The following PEMT variants were observed in gnomAD, a reference collection of about 807,000 sequenced individuals.
PEMT encodes phosphatidylethanolamine N-methyltransferase, also known as phospholipid methyltransferase.
Under a neutral mutation model 27.4 loss-of-function variants are expected in PEMT, and 23 were observed. That is an observed-to-expected ratio of 0.84 (90% CI 0.60 to 1.19). PEMT has a LOEUF of 1.19. Among genes scored for constraint, PEMT ranks in the 50% most tolerant of loss-of-function variants. The pLI is 0.00. For synonymous variants in PEMT, 137 were observed against 139.1 expected (o/e 0.98, Z 0.11); for missense variants, 307 against 310.1 (o/e 0.99, Z 0.07).
chr17:17,520,747 C>T (rs927519999), intron 3 of PEMT, among the ~76,000 whole-genome samples: 1 of 152,256 alleles, frequency 6.6e-6, no homozygotes, highest in East Asian at 1.9e-4. Context: ...GGGATAGCCA[C>T]CCAGGCCTAG....
At position 17,512,669 on chromosome 17, in the gene PEMT, T is replaced by C. The variant is rs1906508265; in HGVS notation, c.321-15A>G. The C allele has an allele frequency of 2.0e-6, 3 of 1,504,090 alleles. No individual in the cohort carries two copies. The highest frequency in any genetic ancestry group is 3.6e-4 in the Middle Eastern group (2 of 5,628). The allele number at this position is 1,504,090 out of a possible 1,614,324, so 93.2% of individuals were successfully genotyped here. A position where few individuals can be genotyped will look rare whatever the true frequency, so the allele number is the denominator to read the frequency against. ...CCTGCGTGAAGCTGTGGGCAGGGGATGGAGAGGGAGGACGTCATGGCCAGG... is the reference window on the plus strand; with the variant it reads ...CCTGCGTGAAGCTGTGGGCAGGGGACGGAGAGGGAGGACGTCATGGCCAGG... On this transcript the variant is annotated splice_polypyrimidine_tract_variant and intron_variant, in intron 3 of 6. Coordinates refer to ENST00000255389, the MANE Select transcript of PEMT (RefSeq NM_148172.3). The surrounding 1 kb of genome is among the most constrained non-coding windows in gnomAD (Gnocchi z 6.3).
At chr17:17,587,531 A>G (rs1028777650) in intron 1 of PEMT, among the ~76,000 whole-genome samples, 9 of 152,168 alleles carry the variant, frequency 5.9e-5, no homozygotes, top group African/African-American at 2.2e-4. Flanking sequence ...AATATGGAAG[A>G]GGGAGGCAAT....
intron 2 of PEMT, among the ~76,000 whole-genome samples, chr17:17,558,452 G>C (rs1205433884): frequency 6.6e-6 from 1 of 151,856 alleles, no homozygotes; most frequent in Admixed American, 6.6e-5. Context: ...GGGTTGCAGT[G>C]AGCTGAGATC....
chr17:17,545,750 T>C (rs1909215174), intron 2 of PEMT, among the ~76,000 whole-genome samples: 1 of 152,218 alleles, frequency 6.6e-6, no homozygotes, highest in African/African-American at 2.4e-5. Flanking sequence ...TCCTCCGTTT[T>C]AGAGATGCTA....
At chr17:17,591,859 C>T (rs1281190292), upstream of PEMT, 1 of 985,374 alleles carries the variant, frequency 1.0e-6, no homozygotes, top group Non-Finnish European at 1.2e-6. Context: ...TGTGTTTCGC[C>T]GCAGAGCCTG....
In PEMT at chr17:17,522,288, G is replaced by A. The variant is rs1039264561; in HGVS notation, c.312C>T (p.Arg104=). 6.2e-6 allele frequency: 10 copies of A among 1,611,100 alleles called. No homozygotes were observed. The Admixed American group carries it at 1.7e-4, about 27-fold the overall frequency. Reference sequence around the variant, plus strand: ...GAGAGAGCTGTGCTTACCAGTGCGAGCGCAGGAAGTTCAGGAGCAGGATGG... The same window carrying A: ...GAGAGAGCTGTGCTTACCAGTGCGAACGCAGGAAGTTCAGGAGCAGGATGG... The part of the protein sequence containing the change: ...SVTILLLNFL[R]SHCFTQAMLS... The change falls in exon 3 of 7, where the codon CGC becomes CGT. Residue 104 remains arginine (R), a synonymous_variant. Coordinates refer to ENST00000255389, the MANE Select transcript of PEMT (RefSeq NM_148172.3).
intron 2 of PEMT, among the ~76,000 whole-genome samples, chr17:17,549,478 T>C (rs987229223): frequency 2.0e-5 from 3 of 152,164 alleles, no homozygotes; most frequent in Admixed American, 6.5e-5. Context: ...GTGACTTTTA[T>C]ATTTTTTTGT....
Position 17,591,665 on chromosome 17 carries a change from G to A in PEMT, c.-39C>T, listed in dbSNP as rs1363763328. On this transcript the variant is annotated 5_prime_UTR_variant, in exon 1 of 7. Coordinates refer to ENST00000255389, the MANE Select transcript of PEMT (RefSeq NM_148172.3). Reference sequence around the variant, plus strand: ...CAGGAGGCACCACGCGGGCCCCGCTGCAGCCACGCGCCCCCGGAACCGGAC... The same window carrying A: ...CAGGAGGCACCACGCGGGCCCCGCTACAGCCACGCGCCCCCGGAACCGGAC... 4 of 1,587,930 alleles carry A rather than the reference G, an allele frequency of 2.5e-6. No homozygotes were observed. The highest frequency in any genetic ancestry group is 3.5e-5 in the Admixed American group (2 of 56,440).
At position 17,523,983 on chromosome 17, in the gene PEMT, C is replaced by A. The variant is rs915368803; in HGVS notation, c.205-1588G>T. On this transcript the variant is annotated intron_variant, in intron 2 of 6. Transcript: ENST00000255389. This position sits in a 1 kb window ranked among gnomAD's most constrained non-coding sequence, Gnocchi z 4.8. Reference sequence around the variant, plus strand: ...TTCCGTTGCTATGGATTCACCTATTCTGGACGTTTCATATAAACTGAATCA... The same window carrying A: ...TTCCGTTGCTATGGATTCACCTATTATGGACGTTTCATATAAACTGAATCA... 6.6e-6 allele frequency among the ~76,000 whole-genome samples: 1 copy of A among 152,136 alleles called. No homozygotes were observed. The highest frequency in any genetic ancestry group is 2.4e-5 in the African/African-American group (1 of 41,402).
chr17:17,517,007 C>A (rs1906888390), intron 3 of PEMT, among the ~76,000 whole-genome samples: 1 of 152,200 alleles, frequency 6.6e-6, no homozygotes, highest in Admixed American at 6.5e-5. Flanking sequence ...TAGGCCTTTC[C>A]AAAAGGGTCT....
chr17:17,529,249 CCA>C (rs1907922270), intron 2 of PEMT, among the ~76,000 whole-genome samples: 1 of 152,334 alleles, frequency 6.6e-6, no homozygotes, highest in African/African-American at 2.4e-5. Flanking sequence ...ACACCCAGTT[CCA>C]CCTGTCCTGC....
chr17:17,522,311 T>C lies in PEMT; in HGVS notation c.289A>G (p.Ile97Val). ...YLACYSLSVTILLLNFLRSHC... is the reference protein window; with the variant it reads ...YLACYSLSVTVLLLNFLRSHC... ...GAGCGCAGGAAGTTCAGGAGCAGGA[T>C]GGTGACGCTTAGAGAGTAGCAGGCC... Residue 97 changes from isoleucine to valine, a missense_variant, in exon 3 of 7, where the codon ATC (isoleucine) becomes GTC (valine). Ile to Val is a conservative substitution (Grantham distance 29). Transcript: ENST00000255389. 2.5e-6 allele frequency: 4 copies of C among 1,613,828 alleles called. No homozygotes were observed. The African/African-American group carries it at 4.0e-5, about 16-fold the overall frequency.
chr17:17,573,691 T>G (rs1911365858), intron 2 of PEMT, among the ~76,000 whole-genome samples: 1 of 152,172 alleles, frequency 6.6e-6, no homozygotes, highest in Non-Finnish European at 1.5e-5. Flanking sequence ...CACGGGGAAC[T>G]GGAACCAATC....
At position 17,512,502 on chromosome 17, in the gene PEMT, G is replaced by T; in HGVS notation, c.466+7C>A. The T allele has an allele frequency of 6.3e-7, 1 of 1,586,808 alleles. No individual in the cohort carries two copies. The highest frequency in any genetic ancestry group is 8.6e-7 in the Non-Finnish European group (1 of 1,164,930). On this transcript the variant is annotated splice_region_variant and intron_variant, in intron 4 of 6. Coordinates refer to ENST00000255389, the MANE Select transcript of PEMT (RefSeq NM_148172.3). The surrounding 1 kb of genome is among the most constrained non-coding windows in gnomAD (Gnocchi z 6.3). ...GCTCAGGGTCACCCCAGCCCTCAGG[G>T]TCTTACCTAGGAAAGTTCCAGCGAA...
intron 2 of PEMT, among the ~76,000 whole-genome samples, chr17:17,572,142 G>T (rs1472392788): frequency 2.0e-5 from 3 of 152,166 alleles, no homozygotes; most frequent in African/African-American, 7.2e-5. Flanking sequence ...CCAACCATGG[G>T]CTGGCCAAGC....
intron 2 of PEMT, among the ~76,000 whole-genome samples, chr17:17,567,093 C>T (rs866993821): frequency 5.3e-5 from 8 of 152,316 alleles, no homozygotes; most frequent in South Asian, 2.1e-4. Flanking sequence ...AGGGAAGACA[C>T]GCTTGGGTCC....
chr17:17,591,400 CACG>C, intron 1 of PEMT, 128 bp downstream of exon 1: 19 of 779,102 alleles, frequency 2.4e-5, no homozygotes, highest in East Asian at 8.9e-5. Context: ...CCACCCCCGC[CACG>C]CCACGCCCCC....
intron 1 of PEMT, 95 bp downstream of exon 1, chr17:17,591,436 C>T: frequency 9.3e-7 from 1 of 1,080,830 alleles, no homozygotes; most frequent in Non-Finnish European, 1.3e-6. Context: ...CTGGCGGCCC[C>T]GCCCCGCAGC....
chr17:17,576,873 A>G (rs8068641), intron 2 of PEMT, 47 bp downstream of exon 2: 171,745 of 1,471,614 alleles, frequency 0.12, 17,879 homozygotes, highest in African/African-American at 0.55. Context: ...GGGGCTCACC[A>G]AGCAGTGAGA....
Sources: gnomAD v4.1 joint callset for allele counts (sites outside exome capture counted in the v4.1 genomes callset) on GRCh38, gnomAD v4.1.1 for gene constraint, Gnocchi (gnomAD v3.1) non-coding constraint, MANE v1.5 for transcripts, NCBI Gene and HGNC (gene_info 2026-07-23, HGNC 2026-07-21) for gene names.